ASCC3: variants seen among roughly 807,000 people sequenced by gnomAD.
The protein encoded by ASCC3 is activating signal cointegrator 1 complex subunit 3.
ASCC3 carries 158 observed loss-of-function variants against 256.3 expected under a neutral mutation model. The ratio of observed to expected loss-of-function variants is 0.62; its 90% CI spans 0.54 to 0.70. ASCC3 has a LOEUF of 0.70. ASCC3 is among the 30% of genes least tolerant of loss of function. ASCC3 has a pLI of 0.00. For synonymous variants in ASCC3, 948 were observed against 883.4 expected (o/e 1.07, Z -1.30); for missense variants, 2,259 against 2,626.0 (o/e 0.86, Z 3.05).
At chr6:100,628,597 G>A (rs76713668) in intron 27 of ASCC3, among the ~76,000 whole-genome samples, 4,592 of 152,028 alleles carry the variant, frequency 0.03, 76 homozygotes, top group African/African-American at 0.055. Context: ...TTGCTCTCTT[G>A]TTCCTGCTCT....
At chr6:100,609,132 T>G (rs961495060) in intron 30 of ASCC3, among the ~76,000 whole-genome samples, 2 of 152,012 alleles carry the variant, frequency 1.3e-5, no homozygotes, top group African/African-American at 2.4e-5. Context: ...TTTATGGACC[T>G]AAAATTGTAA....
At chr6:100,849,881 C>T (rs1772573737) in intron 3 of ASCC3, among the ~76,000 whole-genome samples, 1 of 151,914 alleles carries the variant, frequency 6.6e-6, no homozygotes, top group African/African-American at 2.4e-5. Flanking sequence ...GGGTGGATCA[C>T]CTGAGGTCAG....
At chr6:100,852,923 T>C (rs1037539610) in intron 3 of ASCC3, among the ~76,000 whole-genome samples, 17 of 151,856 alleles carry the variant, frequency 1.1e-4, no homozygotes, top group Admixed American at 1.1e-3. Flanking sequence ...CTCACCCTAC[T>C]TTGCAGTTAT....
At chr6:100,539,914 T>C (rs1393774592) in intron 37 of ASCC3, among the ~76,000 whole-genome samples, 1 of 152,190 alleles carries the variant, frequency 6.6e-6, no homozygotes, top group East Asian at 1.9e-4. Flanking sequence ...ATATGCTCAG[T>C]GCCTAGAAAA....
At chr6:100,850,098 C>CAAACAAAAA (rs1772588706) in intron 3 of ASCC3, among the ~76,000 whole-genome samples, 1 of 80,612 alleles carries the variant, frequency 1.2e-5, no homozygotes, top group African/African-American at 4.6e-5. Flanking sequence ...GAGACTCTAT[C>CAAACAAAAA]AAAAAAAAAA....
chr6:100,843,221 A>T (rs1273154234), intron 4 of ASCC3, among the ~76,000 whole-genome samples: 1 of 152,192 alleles, frequency 6.6e-6, no homozygotes, highest in Non-Finnish European at 1.5e-5. Flanking sequence ...TGATAGAATC[A>T]TTTCCAATGC....
In ASCC3 at chr6:100,608,127, C is replaced by T. The variant is rs1304309057; in HGVS notation, c.4786-1039G>A. On this transcript the variant is annotated intron_variant, in intron 30 of 41. Coordinates refer to ENST00000369162, the MANE Select transcript of ASCC3 (RefSeq NM_006828.4). Reference sequence around the variant, plus strand: ...ATATATGTATATATATCTATATATACATATATATGTATATATATCTATATA... The same window carrying T: ...ATATATGTATATATATCTATATATATATATATATGTATATATATCTATATA... 4.7e-3 allele frequency among the ~76,000 whole-genome samples: 528 copies of T among 113,066 alleles called. 8 individuals carry two copies. The highest frequency in any genetic ancestry group is 0.016 in the East Asian group (65 of 4,048). The allele number at this position is 113,066 out of a possible 152,430, so 74.2% of individuals were successfully genotyped here.
intron 4 of ASCC3, among the ~76,000 whole-genome samples, chr6:100,819,136 C>T (rs543054307): frequency 1.5e-5 from 2 of 132,204 alleles, no homozygotes; most frequent in East Asian, 5.0e-4. Flanking sequence ...GGACACAGGG[C>T]GGGGAACATC....
intron 11 of ASCC3, among the ~76,000 whole-genome samples, chr6:100,723,586 C>A (rs568442905): frequency 1.9e-4 from 29 of 151,234 alleles, no homozygotes; most frequent in Middle Eastern, 3.4e-3. Flanking sequence ...TTTACATTTC[C>A]ACACTTGAAT....
chr6:100,768,582 A>T (rs1261074470), intron 8 of ASCC3, among the ~76,000 whole-genome samples: 7 of 152,226 alleles, frequency 4.6e-5, no homozygotes, highest in African/African-American at 1.7e-4. Flanking sequence ...AAATACATGA[A>T]GTAAAAACTG....
intron 4 of ASCC3, among the ~76,000 whole-genome samples, chr6:100,841,649 T>C (rs1345259975): frequency 6.6e-6 from 1 of 151,198 alleles, no homozygotes; most frequent in Non-Finnish European, 1.5e-5. Flanking sequence ...GATAATGGAT[T>C]AATGTCAACA....
intron 36 of ASCC3, among the ~76,000 whole-genome samples, chr6:100,564,475 T>A (rs1482765205): frequency 1.3e-5 from 2 of 152,168 alleles, no homozygotes; most frequent in Non-Finnish European, 2.9e-5. Flanking sequence ...ATGCTCAGCT[T>A]ATTTCACTTA....
intron 3 of ASCC3, among the ~76,000 whole-genome samples, chr6:100,854,627 G>A (rs922264881): frequency 1.1e-4 from 17 of 152,072 alleles, no homozygotes; most frequent in Middle Eastern, 3.2e-3. Flanking sequence ...ATGTACATTC[G>A]TTACAAAATG....
At chr6:100,636,948 A>T (rs921488752) in intron 25 of ASCC3, among the ~76,000 whole-genome samples, 1 of 152,222 alleles carries the variant, frequency 6.6e-6, no homozygotes, top group Admixed American at 6.5e-5. Context: ...TGCCAGGTGA[A>T]GCAGAAAGTG....
At position 100,629,119 on chromosome 6, in the gene ASCC3, A is replaced by G; in HGVS notation, c.4271T>C (p.Ile1424Thr). ...ATCCCACTTCTCTGGCGTAGTGACG[A>G]TAAGGTCAGCCTTGGCAATGGATTT... is the stretch of plus-strand genomic sequence containing the variant. ...DMKSIAKADL[I>T]VTTPEKWDGV... The change falls in exon 27 of 42, where the codon ATC (isoleucine) becomes ACC (threonine). Residue 1424 changes from isoleucine (I) to threonine (T), a missense_variant. By Grantham distance (89) the Ile-to-Thr change is moderately conservative. Around this residue, in one of 2 missense-constraint regions of ASCC3, gnomAD observed 1,839 missense variants for 2,206.7 expected, o/e 0.83. Coordinates refer to ENST00000369162, the MANE Select transcript of ASCC3 (RefSeq NM_006828.4). The G allele has an allele frequency of 6.2e-7, 1 of 1,613,870 alleles. No homozygotes were observed. Among genetic ancestry groups the G allele is most frequent in the South Asian group, 1.1e-5 (1 of 91,058 alleles).
chr6:100,873,596 T>G (rs1260681477), intron 1 of ASCC3, among the ~76,000 whole-genome samples: 1 of 152,098 alleles, frequency 6.6e-6, no homozygotes, highest in African/African-American at 2.4e-5. Context: ...AAAGTTAATA[T>G]GAAGGAAGGA....
At chr6:100,668,866 A>C (rs1562212918) in intron 14 of ASCC3, among the ~76,000 whole-genome samples, 1 of 151,926 alleles carries the variant, frequency 6.6e-6, no homozygotes, top group Non-Finnish European at 1.5e-5. Context: ...ATTAGAGATG[A>C]CAATATACAT....
chr6:100,854,086 A>G (rs1356642453), intron 3 of ASCC3, among the ~76,000 whole-genome samples: 1 of 151,798 alleles, frequency 6.6e-6, no homozygotes, highest in Non-Finnish European at 1.5e-5. Flanking sequence ...ATTTTCCTCA[A>G]TTTTACAGAA....
intron 8 of ASCC3, among the ~76,000 whole-genome samples, chr6:100,791,796 T>C (rs958192771): frequency 6.6e-6 from 1 of 151,968 alleles, no homozygotes; most frequent in Non-Finnish European, 1.5e-5. Context: ...ATGGCAAACT[T>C]GTTTCCCTTG....
Sources: allele counts gnomAD v4.1 joint callset (sites outside exome capture counted in the v4.1 genomes callset), GRCh38; gene constraint gnomAD v4.1.1; regional missense constraint gnomAD v4.1.1; transcripts MANE v1.5; gene names NCBI Gene and HGNC (gene_info 2026-07-23, HGNC 2026-07-21).